GULP1: variants seen among roughly 807,000 people sequenced by gnomAD.
GULP1 encodes PTB domain-containing engulfment adapter protein 1.
A neutral mutation model predicts 40.9 loss-of-function variants in GULP1; 19 were observed. The ratio of observed to expected loss-of-function variants is 0.46; its 90% confidence interval spans 0.32 to 0.68. The LOEUF (loss-of-function observed/expected upper bound fraction) is 0.68. Among genes scored for constraint, GULP1 ranks in the 30% least tolerant of loss-of-function variants. The pLI, the probability that GULP1 is intolerant of heterozygous loss-of-function variation, is 0.03. For synonymous variants in GULP1, 119 were observed against 117.6 expected (o/e 1.01, Z -0.08); for missense variants, 312 against 362.2 (o/e 0.86, Z 1.12).
At chr2:188,593,902 A>G in intron 11 of GULP1, 38 bp from the exon 12 acceptor site, 1 of 1,103,680 alleles carries the variant, frequency 9.1e-7, no homozygotes, top group Non-Finnish European at 1.4e-6. Context: ...TTTTGCTGTA[A>G]GCATTTCAGA....
intron 2 of GULP1, among the ~76,000 whole-genome samples, chr2:188,471,295 C>T (rs73040488): frequency 0.02 from 3,097 of 152,010 alleles, 105 homozygotes; most frequent in African/African-American, 0.07. Flanking sequence ...TTCCCACCAC[C>T]GCCCACCCGC....
At chr2:188,423,348 TA>T (rs975922225) in intron 2 of GULP1, among the ~76,000 whole-genome samples, 13 of 152,012 alleles carry the variant, frequency 8.6e-5, no homozygotes, top group African/African-American at 3.1e-4. Flanking sequence ...AAAATTAAAT[TA>T]GACAGTATAT....
chr2:188,569,506 T>G, intron 8 of GULP1, 151 bp downstream of exon 8: 1 of 651,728 alleles, frequency 1.5e-6, no homozygotes, highest in Non-Finnish European at 2.7e-6. Flanking sequence ...AATTTTTCGT[T>G]CCTGATCCCC....
intron 2 of GULP1, among the ~76,000 whole-genome samples, chr2:188,414,910 A>G (rs2152735202): frequency 6.6e-6 from 1 of 152,274 alleles, no homozygotes; most frequent in Non-Finnish European, 1.5e-5. Flanking sequence ...TTAACAGTGA[A>G]TAGGTGGTGT....
intron 6 of GULP1, among the ~76,000 whole-genome samples, chr2:188,536,418 T>A (rs1688939485): frequency 6.6e-6 from 1 of 152,170 alleles, no homozygotes; most frequent in South Asian, 2.1e-4. Flanking sequence ...TAGCTAGGTA[T>A]CCCAGCAACA....
chr2:188,405,461 G>C (rs1346054699), intron 2 of GULP1, among the ~76,000 whole-genome samples: 1 of 152,150 alleles, frequency 6.6e-6, no homozygotes, highest in Non-Finnish European at 1.5e-5. Context: ...GCCCACTCCA[G>C]CCTCAGGTCA....
intron 6 of GULP1, among the ~76,000 whole-genome samples, chr2:188,530,838 A>G (rs1471992751): frequency 6.6e-6 from 1 of 152,242 alleles, no homozygotes; most frequent in Admixed American, 6.5e-5. Context: ...TTTTGATAAG[A>G]CCATATTAGT....
In GULP1 at chr2:188,292,855, G is replaced by A. The variant is rs972780951; in HGVS notation, c.-172+689G>A. ...TCTGGAGGGCGCAAGGCGCGGCGGG[G>A]GTGATGAGCCCTTGGGTTCTCGCTC... On this transcript the variant is annotated intron_variant, in intron 1 of 11. Transcript: ENST00000409830. The surrounding 1 kb of genome is among the most constrained non-coding windows in gnomAD (Gnocchi z 4.0). The A allele has an allele frequency of 6.5e-6, 1 of 152,766 alleles. No individual in the cohort carries two copies. The highest frequency in any genetic ancestry group is 1.5e-5 in the Non-Finnish European group (1 of 68,522). The allele number at this position is 152,766 out of a possible 1,614,324, so 9.5% of individuals were successfully genotyped here.
At chr2:188,508,590 A>G (rs1559323721) in intron 4 of GULP1, among the ~76,000 whole-genome samples, 1 of 151,886 alleles carries the variant, frequency 6.6e-6, no homozygotes, top group East Asian at 1.9e-4. Context: ...GGACCCCACC[A>G]TATTTGGATG....
chr2:188,331,181 TAG>T (rs1192373871), intron 1 of GULP1, among the ~76,000 whole-genome samples: 1 of 152,200 alleles, frequency 6.6e-6, no homozygotes, highest in African/African-American at 2.4e-5. Context: ...TCTTTAATTA[TAG>T]AGTCTTAGGA....
chr2:188,531,557 A>G (rs565423072), intron 6 of GULP1, among the ~76,000 whole-genome samples: 52 of 152,282 alleles, frequency 3.4e-4, no homozygotes, highest in African/African-American at 1.2e-3. Context: ...ACAAACAAAG[A>G]TGTGAAGATT....
intron 2 of GULP1, among the ~76,000 whole-genome samples, chr2:188,439,021 A>G (rs939392545): frequency 6.6e-6 from 1 of 152,132 alleles, no homozygotes; most frequent in African/African-American, 2.4e-5. Flanking sequence ...AATTAGGAAT[A>G]TTATTAATTT....
intron 2 of GULP1, among the ~76,000 whole-genome samples, chr2:188,390,351 G>A (rs1008454523): frequency 2.6e-5 from 4 of 152,050 alleles, no homozygotes; most frequent in African/African-American, 7.2e-5. Context: ...AATTGGCATC[G>A]TCCTGATGAT....
intron 7 of GULP1, among the ~76,000 whole-genome samples, chr2:188,554,417 A>G (rs1315378548): frequency 1.3e-5 from 2 of 151,670 alleles, no homozygotes; most frequent in Non-Finnish European, 2.9e-5. Context: ...ATTCAGGAGC[A>G]TGTTGTTTAA....
intron 2 of GULP1, among the ~76,000 whole-genome samples, chr2:188,388,638 A>G (rs920210151): frequency 6.6e-6 from 1 of 152,190 alleles, no homozygotes; most frequent in Non-Finnish European, 1.5e-5. Context: ...AGGAAGGCAG[A>G]TTAGTTTGCA....
intron 2 of GULP1, among the ~76,000 whole-genome samples, chr2:188,386,836 A>G (rs2049829110): frequency 6.6e-6 from 1 of 152,226 alleles, no homozygotes; most frequent in Admixed American, 6.5e-5. Flanking sequence ...AGTTGAAAAA[A>G]ATGAAAATTA....
At chr2:188,428,650 A>G (rs1042249450) in intron 2 of GULP1, among the ~76,000 whole-genome samples, 1 of 151,886 alleles carries the variant, frequency 6.6e-6, no homozygotes, top group Non-Finnish European at 1.5e-5. Context: ...TTCTTCCATG[A>G]TTATATGTTT....
intron 2 of GULP1, among the ~76,000 whole-genome samples, chr2:188,457,669 C>T (rs1040074052): frequency 1.3e-5 from 2 of 152,118 alleles, no homozygotes; most frequent in Non-Finnish European, 2.9e-5. Context: ...AAGGCTGGAT[C>T]AGTTTCAAAG....
At chr2:188,454,947 A>AC (rs1306759507) in intron 2 of GULP1, among the ~76,000 whole-genome samples, 1 of 151,852 alleles carries the variant, frequency 6.6e-6, no homozygotes, top group Non-Finnish European at 1.5e-5. Context: ...ACATAGTGAG[A>AC]CCCCCATCTG....
Sources: allele counts gnomAD v4.1 joint callset (sites outside exome capture counted in the v4.1 genomes callset), GRCh38; gene constraint gnomAD v4.1.1; non-coding constraint Gnocchi (gnomAD v3.1); transcripts MANE v1.5; gene names NCBI Gene and HGNC (gene_info 2026-07-23, HGNC 2026-07-21).